Variants in TCERG1L observed in about 807,000 individuals in gnomAD.
TCERG1L encodes transcription elongation regulator 1 like.
Under a neutral mutation model 56.3 loss-of-function variants are expected in TCERG1L, and 37 were observed. That is an observed-to-expected ratio of 0.66 (90% CI 0.51 to 0.87). The LOEUF (loss-of-function observed/expected upper bound fraction) is 0.87. Ranked by LOEUF, TCERG1L falls within the 40% of genes least tolerant of loss-of-function variation. TCERG1L has a pLI of 0.00. For synonymous variants in TCERG1L, 324 were observed against 326.3 expected (o/e 0.99, Z 0.08); for missense variants, 799 against 774.2 (o/e 1.03, Z -0.38).
At chr10:131,254,215 T>A (rs765324671) in intron 4 of TCERG1L, among the ~76,000 whole-genome samples, 17 of 151,466 alleles carry the variant, frequency 1.1e-4, no homozygotes, top group Non-Finnish European at 1.8e-4. Flanking sequence ...GAAGTAAGGG[T>A]GCAGGTGGGT....
At chr10:131,216,335 C>T (rs1279110428) in intron 4 of TCERG1L, among the ~76,000 whole-genome samples, 1 of 152,176 alleles carries the variant, frequency 6.6e-6, no homozygotes, top group African/African-American at 2.4e-5. Context: ...ACTTTGGAAG[C>T]ATCAAGCTGA....
intron 4 of TCERG1L, among the ~76,000 whole-genome samples, chr10:131,205,015 C>A (rs1845501549): frequency 6.6e-6 from 1 of 152,160 alleles, no homozygotes; most frequent in African/African-American, 2.4e-5. Context: ...TCAACCCCTG[C>A]CACCCGGCTC....
chr10:131,308,442 A>C (rs1017733347), intron 2 of TCERG1L, 51 bp from the exon 3 acceptor site: 1 of 1,499,602 alleles, frequency 6.7e-7, no homozygotes, highest in Non-Finnish European at 9.2e-7. Context: ...GCATGATAAA[A>C]GCTGAGCATG....
chr10:131,143,177 G>A (rs1022892303), intron 7 of TCERG1L, among the ~76,000 whole-genome samples: 1 of 152,312 alleles, frequency 6.6e-6, no homozygotes, highest in South Asian at 2.1e-4. Context: ...CAGCAAAGGG[G>A]TCTCCAATGC....
intron 4 of TCERG1L, among the ~76,000 whole-genome samples, chr10:131,208,796 G>A (rs560992297): frequency 2.6e-5 from 4 of 152,266 alleles, no homozygotes; most frequent in Non-Finnish European, 5.9e-5. Flanking sequence ...AGTGGCTCAC[G>A]CCTGTAATCC....
intron 4 of TCERG1L, among the ~76,000 whole-genome samples, chr10:131,180,055 G>A (rs929409437): frequency 6.6e-6 from 1 of 152,238 alleles, no homozygotes. Flanking sequence ...GACAGACATG[G>A]TCTTCCTGGT....
chr10:131,220,337 G>A (rs563185136), intron 4 of TCERG1L, among the ~76,000 whole-genome samples: 5 of 152,306 alleles, frequency 3.3e-5, no homozygotes, highest in African/African-American at 1.2e-4. Flanking sequence ...TAGGGCCCAG[G>A]TTAGGGACCA....
At chr10:131,282,468 G>A (rs78136468) in intron 3 of TCERG1L, among the ~76,000 whole-genome samples, 11,279 of 151,264 alleles carry the variant, frequency 0.075, 522 homozygotes, top group African/African-American at 0.12. Context: ...ACCAGCGAAA[G>A]TAACCTCAGC....
chr10:131,228,087 C>A (rs1400526566), intron 4 of TCERG1L, among the ~76,000 whole-genome samples: 3 of 152,090 alleles, frequency 2.0e-5, no homozygotes, highest in Non-Finnish European at 4.4e-5. Context: ...GACCTCCGAG[C>A]CCCTGACAGA....
intron 4 of TCERG1L, among the ~76,000 whole-genome samples, chr10:131,224,449 C>T (rs1589753936): frequency 6.6e-6 from 1 of 152,184 alleles, no homozygotes; most frequent in South Asian, 2.1e-4. Context: ...TTGTACGCTT[C>T]CCTTCCCCTA....
intron 4 of TCERG1L, 105 bp from the exon 5 acceptor site, chr10:131,166,990 G>C (rs1006428103): frequency 2.1e-6 from 2 of 932,516 alleles, no homozygotes; most frequent in Non-Finnish European, 3.2e-6. Flanking sequence ...GAATTGGTCA[G>C]TAGACACTGT....
chr10:131,114,731 G>A (rs1445428048), intron 9 of TCERG1L, among the ~76,000 whole-genome samples: 1 of 152,168 alleles, frequency 6.6e-6, no homozygotes, highest in African/African-American at 2.4e-5. Context: ...AAGCAGGTAG[G>A]TTAGTTTAAA....
chr10:131,118,237 T>C lies in TCERG1L; in HGVS notation c.1260-1303A>G, dbSNP rs1845479046. ...CAGTGGCTTAGGGCCTCCTACATTCTGGGAGCTCCCTAAGTGCTCGGAGAT... is the reference window on the plus strand; with the variant it reads ...CAGTGGCTTAGGGCCTCCTACATTCCGGGAGCTCCCTAAGTGCTCGGAGAT... On this transcript the variant is annotated intron_variant, in intron 8 of 11. Transcript: ENST00000368642. The surrounding 1 kb of genome is among the most constrained non-coding windows in gnomAD (Gnocchi z 4.2). 1.3e-5 allele frequency among the ~76,000 whole-genome samples: 2 copies of C among 152,190 alleles called. No homozygotes were observed. Among genetic ancestry groups the C allele is most frequent in the Admixed American group, 1.3e-4 (2 of 15,286 alleles).
rs185783156 is a variant in TCERG1L, at chr10:131,234,427, T to C, written c.856+25832A>G. 2.4e-3 allele frequency among the ~76,000 whole-genome samples: 365 copies of C among 152,352 alleles called. 7 individuals carry two copies. Among genetic ancestry groups the C allele is most frequent in the Admixed American group, 0.023 (355 of 15,300 alleles). On this transcript the variant is annotated intron_variant, in intron 4 of 11. Transcript: ENST00000368642. ...AAATTCTCAAAATGATGGAATGCAATATAAAAGCTGTGGATAAAAGCTATT... is the reference window on the plus strand; with the variant it reads ...AAATTCTCAAAATGATGGAATGCAACATAAAAGCTGTGGATAAAAGCTATT...
At chr10:131,241,474 A>G (rs944960539) in intron 4 of TCERG1L, among the ~76,000 whole-genome samples, 17 of 152,100 alleles carry the variant, frequency 1.1e-4, no homozygotes, top group African/African-American at 3.9e-4. Flanking sequence ...GTCCATACGC[A>G]ACATGAACAC....
chr10:131,176,963 CAG>C lies in TCERG1L; in HGVS notation c.857-10080_857-10079del, dbSNP rs1241902332. 3.5e-4 allele frequency among the ~76,000 whole-genome samples: 26 copies of C among 74,684 alleles called. 1 individual carries two copies. Among genetic ancestry groups the C allele is most frequent in the African/African-American group, 1.2e-3 (25 of 20,556 alleles). 49.0% of individuals were successfully genotyped at this position (74,684 alleles called of 152,430 possible). On this transcript the variant is annotated intron_variant, in intron 4 of 11. Coordinates refer to ENST00000368642, the MANE Select transcript of TCERG1L (RefSeq NM_174937.4). The stretch of plus-strand genomic sequence containing the variant: ...ACACACACCAAGACACGTGTACACA[CAG>C]AGACACATGAACACACACCAAGACA...
chr10:131,265,786 C>T (rs1846278602), intron 3 of TCERG1L, among the ~76,000 whole-genome samples: 1 of 152,218 alleles, frequency 6.6e-6, no homozygotes, highest in Non-Finnish European at 1.5e-5. Flanking sequence ...CAAACTGTAA[C>T]TCTTTTGCCA....
chr10:131,249,539 C>T lies in TCERG1L; in HGVS notation c.856+10720G>A, dbSNP rs141510476. 9.8e-5 allele frequency among the ~76,000 whole-genome samples: 15 copies of T among 152,378 alleles called. No individual in the cohort carries two copies. In the East Asian group the frequency reaches 1.7e-3, roughly 18 times the overall value. On this transcript the variant is annotated intron_variant, in intron 4 of 11. Transcript: ENST00000368642. ...AGTGGCCCTCTCCAGCCATGGCAAA[C>T]GCACACTGGGGTCCTTGCAGCCCAG...
intron 6 of TCERG1L, among the ~76,000 whole-genome samples, chr10:131,147,618 T>C (rs542831978): frequency 6.6e-6 from 1 of 152,192 alleles, no homozygotes; most frequent in Admixed American, 6.5e-5. Flanking sequence ...GCAAGCCCCC[T>C]CCCCTCTCTG....
Sources: gnomAD v4.1 joint callset for allele counts (sites outside exome capture counted in the v4.1 genomes callset) on GRCh38, gnomAD v4.1.1 for gene constraint, Gnocchi (gnomAD v3.1) non-coding constraint, MANE v1.5 for transcripts, NCBI Gene and HGNC (gene_info 2026-07-23, HGNC 2026-07-21) for gene names.